MGRN1: variants seen among roughly 807,000 people sequenced by gnomAD.
MGRN1 encodes mahogunin ring finger 1.
In MGRN1, 29 loss-of-function variants were observed where a neutral mutation model predicts 69.2. The ratio of observed to expected loss-of-function variants is 0.42; its 90% CI spans 0.31 to 0.57. MGRN1 has a LOEUF of 0.57. Ranked by LOEUF, MGRN1 falls within the 20% of genes least tolerant of loss-of-function variation. MGRN1 has a pLI of 0.15. For synonymous variants in MGRN1, 470 were observed against 344.2 expected (o/e 1.37, Z -4.04); for missense variants, 998 against 796.2 (o/e 1.25, Z -3.05).
intron 2 of MGRN1, among the ~76,000 whole-genome samples, chr16:4,651,483 A>C (rs1046199852): frequency 2.0e-5 from 3 of 152,212 alleles, no homozygotes; most frequent in Non-Finnish European, 4.4e-5. Context: ...AGAAGCTAGA[A>C]GGCAGGGGGC....
intron 1 of MGRN1, among the ~76,000 whole-genome samples, chr16:4,636,424 C>T (rs910428338): frequency 1.3e-5 from 2 of 152,146 alleles, no homozygotes; most frequent in African/African-American, 2.4e-5. Context: ...GACCTTCCAG[C>T]GTCCCAGTGC....
intron 1 of MGRN1, among the ~76,000 whole-genome samples, chr16:4,646,711 C>A (rs1251984846): frequency 6.6e-6 from 1 of 152,222 alleles, no homozygotes; most frequent in African/African-American, 2.4e-5. Context: ...GCAGTCTGCC[C>A]AGAGACATGT....
At chr16:4,638,805 C>A (rs1442103623) in intron 1 of MGRN1, among the ~76,000 whole-genome samples, 1 of 152,186 alleles carries the variant, frequency 6.6e-6, no homozygotes, top group African/African-American at 2.4e-5. Context: ...GTTCGGAGCC[C>A]CTGCAGACAC....
intron 4 of MGRN1, among the ~76,000 whole-genome samples, chr16:4,654,970 T>C (rs2078498854): frequency 6.6e-6 from 1 of 152,208 alleles, no homozygotes; most frequent in South Asian, 2.1e-4. Context: ...TATATTTCTT[T>C]AATGACACTA....
intron 4 of MGRN1, 121 bp downstream of exon 4, chr16:4,652,945 A>T: frequency 1.6e-6 from 2 of 1,283,586 alleles, no homozygotes; most frequent in Non-Finnish European, 2.1e-6. Context: ...CCATACTCCC[A>T]GGACTTTACC....
At chr16:4,673,747 C>T in intron 10 of MGRN1, 90 bp downstream of exon 10, 1 of 1,451,928 alleles carries the variant, frequency 6.9e-7, no homozygotes, top group Non-Finnish European at 9.3e-7. Flanking sequence ...GGCCACAGGT[C>T]CGTTGATGGC....
chr16:4,648,511 G>T (rs532538845), intron 1 of MGRN1, among the ~76,000 whole-genome samples: 4 of 69,166 alleles, frequency 5.8e-5, no homozygotes, highest in African/African-American at 1.7e-4. Flanking sequence ...GTCACCCGGG[G>T]GCTCCTCCCG....
intron 4 of MGRN1, 146 bp from the exon 5 acceptor site, chr16:4,657,100 C>G: frequency 1.4e-6 from 1 of 727,152 alleles, no homozygotes; most frequent in South Asian, 1.7e-5. Context: ...GGCCACGTGG[C>G]CATGTAGGCT....
At chr16:4,680,242 G>A (rs1268587181) in intron 12 of MGRN1, 145 bp downstream of exon 12, 10 of 783,866 alleles carry the variant, frequency 1.3e-5, no homozygotes, top group Non-Finnish European at 1.8e-5. Flanking sequence ...CGGCCTCCCT[G>A]CCCAGGGAGT....
intron 1 of MGRN1, among the ~76,000 whole-genome samples, chr16:4,647,451 C>T (rs2078297771): frequency 3.3e-5 from 5 of 152,220 alleles, no homozygotes; most frequent in Admixed American, 1.3e-4. Flanking sequence ...GCTCACTGTA[C>T]TGCAGGTGTT....
intron 2 of MGRN1, chr16:4,650,797 T>C (rs1005846549): frequency 8.9e-5 from 22 of 245,974 alleles, no homozygotes; most frequent in Non-Finnish European, 1.6e-4. Flanking sequence ...TGGATGACTT[T>C]CTTTACAAGG....
chr16:4,672,364 G>C, intron 9 of MGRN1: 1 of 456,724 alleles, frequency 2.2e-6, no homozygotes, highest in Admixed American at 2.3e-5. Flanking sequence ...CTTGTTAAAA[G>C]GCACACTGAC....
intron 9 of MGRN1, 27 bp from the exon 10 acceptor site, chr16:4,673,471 C>G: frequency 1.2e-6 from 2 of 1,605,958 alleles, no homozygotes; most frequent in Non-Finnish European, 1.7e-6. Context: ...TGGGAGGCTG[C>G]TGACCCACAA....
In MGRN1 at chr16:4,682,850, C is replaced by G; in HGVS notation, c.1386C>G (p.Ile462Met). 1 of 1,604,668 alleles carries G rather than the reference C, an allele frequency of 6.2e-7. No homozygotes were observed. Among genetic ancestry groups the G allele is most frequent in the Non-Finnish European group, 8.5e-7 (1 of 1,173,140 alleles). The change falls in exon 14 of 17, where the codon ATC (isoleucine) becomes ATG (methionine). Residue 462 changes from isoleucine to methionine, a missense_variant. Coordinates refer to ENST00000262370, the MANE Select transcript of MGRN1 (RefSeq NM_015246.4). The part of the protein sequence containing the change: ...DSTLRSPSSP[I>M]HEEDEEKLSE... The stretch of plus-strand genomic sequence containing the variant: ...CCCTACGGTCCCCGTCTTCCCCCAT[C>G]CACGAAGAGGATGAGGAGAAGCTCT...
At chr16:4,672,813 T>A (rs1159858028) in intron 9 of MGRN1, among the ~76,000 whole-genome samples, 1 of 152,224 alleles carries the variant, frequency 6.6e-6, no homozygotes, top group African/African-American at 2.4e-5. Context: ...AAAATACTTC[T>A]AACATATTAA....
At chr16:4,684,696 A>G (rs937912653) in intron 16 of MGRN1, among the ~76,000 whole-genome samples, 3 of 152,348 alleles carry the variant, frequency 2.0e-5, no homozygotes, top group East Asian at 1.9e-4. Flanking sequence ...CTCAGTTTCG[A>G]ATCCTAAGCT....
At chr16:4,686,375 T>C in intron 16 of MGRN1, 1 of 1,514,336 alleles carries the variant, frequency 6.6e-7, no homozygotes, top group South Asian at 1.2e-5. Flanking sequence ...TCCCCTGCTC[T>C]CTGGCGGGGG....
chr16:4,651,597 C>T (rs938547280), intron 2 of MGRN1, among the ~76,000 whole-genome samples: 7 of 151,358 alleles, frequency 4.6e-5, no homozygotes, highest in Non-Finnish European at 8.8e-5. Flanking sequence ...GAGCTGTGCT[C>T]GTAGGAAGCT....
At chr16:4,645,120 CATATAT>C (rs1280382172) in intron 1 of MGRN1, among the ~76,000 whole-genome samples, 1 of 119,806 alleles carries the variant, frequency 8.3e-6, no homozygotes, top group African/African-American at 3.2e-5. Context: ...TATGCGTGTG[CATATAT>C]ATATAGAGTG....
Sources: gnomAD v4.1 joint callset for allele counts (sites outside exome capture counted in the v4.1 genomes callset) on GRCh38, gnomAD v4.1.1 for gene constraint, MANE v1.5 for transcripts, NCBI Gene and HGNC (gene_info 2026-07-23, HGNC 2026-07-21) for gene names.